Variants in MICAL3 observed in about 807,000 individuals in gnomAD.
MICAL3 encodes microtubule associated monooxygenase, calponin and LIM domain containing 3, also known as [F-actin]-monooxygenase MICAL3.
In MICAL3, 62 loss-of-function variants were observed where a neutral mutation model predicts 207.4. The ratio of observed to expected loss-of-function variants is 0.30; its 90% CI spans 0.24 to 0.37. The LOEUF (loss-of-function observed/expected upper bound fraction) is 0.37. MICAL3 is among the 10% of genes least tolerant of loss of function. The pLI, the probability that MICAL3 is intolerant of heterozygous loss-of-function variation, is 1.00. For synonymous variants in MICAL3, 1,077 were observed against 1,069.3 expected, an observed-to-expected ratio of 1.01 and a Z score of -0.14; for missense variants, 2,368 against 2,635.6, an observed-to-expected ratio of 0.90 and a Z score of 2.22.
intron 1 of MICAL3, among the ~76,000 whole-genome samples, chr22:18,014,228 C>T (rs923053224): frequency 1.3e-5 from 2 of 152,066 alleles, no homozygotes; most frequent in Non-Finnish European, 2.9e-5. Context: ...ATAATACAAT[C>T]GAATTCTCCC....
intron 29 of MICAL3, among the ~76,000 whole-genome samples, chr22:17,802,851 G>C (rs2061953912): frequency 1.3e-5 from 2 of 152,154 alleles, no homozygotes; most frequent in Admixed American, 1.3e-4. Context: ...CACACGGACA[G>C]GGAGGAGGAG....
chr22:17,861,922 G>A (rs1405051156), intron 19 of MICAL3: 3 of 985,256 alleles, frequency 3.0e-6, no homozygotes, highest in East Asian at 2.3e-4. Context: ...ATTGGGTGTG[G>A]GTGTGTTTTT....
In MICAL3 at chr22:17,831,646, A is replaced by G. The variant is rs374177524; in HGVS notation, c.3055+208T>C. On this transcript the variant is annotated intron_variant, in intron 21 of 31. Transcript: ENST00000441493. Reference sequence around the variant, plus strand: ...TCCAGTTTCTAAACCAATGTGCACAAGGGACATTACTTCCACTGCCAACCG... The same window carrying G: ...TCCAGTTTCTAAACCAATGTGCACAGGGGACATTACTTCCACTGCCAACCG... 7.9e-5 allele frequency among the ~76,000 whole-genome samples: 12 copies of G among 152,324 alleles called. No individual in the cohort carries two copies. In the East Asian group the frequency reaches 1.5e-3, roughly 20 times the overall value.
Position 17,846,753 on chromosome 22 carries a change from G to A in MICAL3, c.2606-4736C>T, listed in dbSNP as rs117228440. Among the ~76,000 whole-genome samples, 121 of 152,304 alleles carry A rather than the reference G, an allele frequency of 7.9e-4. 2 individuals are homozygous for A. In the East Asian group the frequency reaches 0.022, roughly 27 times the overall value. ...CAACAGGGACTTTCCAGCTTAAAGC[G>A]GGATGAAAGATCTGCAATAATTTCC... On this transcript the variant is annotated intron_variant, in intron 19 of 31. Transcript: ENST00000441493.
chr22:17,864,782 C>A lies in MICAL3; in HGVS notation c.2605+117G>T, dbSNP rs1926895432. 5 of 1,613,914 alleles carry A rather than the reference C, an allele frequency of 3.1e-6. No homozygotes were observed. The African/African-American group carries it at 5.3e-5, about 17-fold the overall frequency. On this transcript the variant is annotated intron_variant, in intron 19 of 31. Coordinates refer to ENST00000441493, the MANE Select transcript of MICAL3 (RefSeq NM_015241.3). ...AAAAAGGAGTCCAGAGGGTTTTGGGCCACTTGTTGCCCGAATGAAGAAATG... is the reference window on the plus strand; with the variant it reads ...AAAAAGGAGTCCAGAGGGTTTTGGGACACTTGTTGCCCGAATGAAGAAATG...
intron 19 of MICAL3, among the ~76,000 whole-genome samples, chr22:17,843,661 A>G (rs963888124): frequency 6.6e-6 from 1 of 152,154 alleles, no homozygotes; most frequent in Admixed American, 6.5e-5. Flanking sequence ...TCTTCCACTT[A>G]ACGCCTGCCA....
intron 1 of MICAL3, among the ~76,000 whole-genome samples, chr22:17,992,605 C>G (rs568701220): frequency 6.6e-6 from 1 of 152,070 alleles, no homozygotes; most frequent in South Asian, 2.1e-4. Flanking sequence ...AAGTAGGAAT[C>G]CCCCCTGCTC....
At chr22:17,881,202 C>T (rs747572141) in intron 16 of MICAL3, 31 of 1,611,220 alleles carry the variant, frequency 1.9e-5, no homozygotes, top group Non-Finnish European at 2.5e-5. Flanking sequence ...CAGAGAGGAT[C>T]ACCTGCTGGC....
At chr22:17,926,470 CTCTT>C (rs1308250937) in intron 1 of MICAL3, among the ~76,000 whole-genome samples, 1 of 152,220 alleles carries the variant, frequency 6.6e-6, no homozygotes, top group Non-Finnish European at 1.5e-5. Context: ...GTCCTTGGCC[CTCTT>C]TCTATTTTGT....
At chr22:17,861,472 G>T in intron 19 of MICAL3, 2 of 985,472 alleles carry the variant, frequency 2.0e-6, no homozygotes, top group Non-Finnish European at 2.4e-6. Flanking sequence ...TTCCTTTCCG[G>T]CTATGCCTTC....
chr22:17,961,492 C>G (rs542827962), intron 1 of MICAL3, among the ~76,000 whole-genome samples: 6 of 152,178 alleles, frequency 3.9e-5, no homozygotes, highest in Middle Eastern at 6.8e-3. Context: ...CTCCTTCCCC[C>G]CACCCTCTCA....
chr22:17,946,810 G>A (rs147683545), intron 1 of MICAL3, among the ~76,000 whole-genome samples: 13 of 152,308 alleles, frequency 8.5e-5, no homozygotes, highest in African/African-American at 3.1e-4. Context: ...AGGGAGTGGT[G>A]GGCAAGTTCC....
chr22:17,852,483 G>C (rs1925436537), intron 19 of MICAL3, among the ~76,000 whole-genome samples: 1 of 152,206 alleles, frequency 6.6e-6, no homozygotes, highest in African/African-American at 2.4e-5. Context: ...CAGACACTAA[G>C]AACAAAGGCT....
chr22:17,906,990 C>G (rs984140271), intron 1 of MICAL3, 104 bp from the exon 2 acceptor site: 14 of 620,070 alleles, frequency 2.3e-5, no homozygotes, highest in Non-Finnish European at 3.8e-5. Flanking sequence ...TCGCAGTCAT[C>G]CATCCATAAG....
rs565887950 is a variant in MICAL3 at position 17,917,254 on chromosome 22, G to A, written c.-74-10368C>T. 1.2e-4 allele frequency among the ~76,000 whole-genome samples: 18 copies of A among 152,182 alleles called. No individual in the cohort carries two copies. In the South Asian group the frequency reaches 2.5e-3, roughly 21 times the overall value. Reference sequence around the variant, plus strand: ...ACTTTTCTACCTGGATGTTTGACAGGCATCTCTAGCTTAAAGCACTGGAGG... The same window carrying A: ...ACTTTTCTACCTGGATGTTTGACAGACATCTCTAGCTTAAAGCACTGGAGG... On this transcript the variant is annotated intron_variant, in intron 1 of 31. Coordinates refer to ENST00000441493, the MANE Select transcript of MICAL3 (RefSeq NM_015241.3).
chr22:17,908,863 G>A (rs1403777558), intron 1 of MICAL3, among the ~76,000 whole-genome samples: 2 of 152,216 alleles, frequency 1.3e-5, no homozygotes, highest in Admixed American at 6.5e-5. Flanking sequence ...TGCAGGTGCT[G>A]CTGAAACCAA....
intron 8 of MICAL3, 98 bp downstream of exon 8, chr22:17,896,626 A>T: frequency 7.8e-7 from 1 of 1,288,734 alleles, no homozygotes; most frequent in Non-Finnish European, 1.1e-6. Context: ...CCTGTGCTGT[A>T]CAACACTGCA....
At chr22:17,828,257 C>T (rs2146035238) in intron 21 of MICAL3, among the ~76,000 whole-genome samples, 1 of 152,374 alleles carries the variant, frequency 6.6e-6, no homozygotes, top group Admixed American at 6.5e-5. Context: ...AAGGTGCCCA[C>T]CACCACTCGC....
At chr22:17,977,767 T>C (rs1935720635) in intron 1 of MICAL3, among the ~76,000 whole-genome samples, 1 of 152,148 alleles carries the variant, frequency 6.6e-6, no homozygotes, top group African/African-American at 2.4e-5. Flanking sequence ...CTCACACCTG[T>C]AATCCCAGCA....
Sources: gnomAD v4.1 joint callset for allele counts (sites outside exome capture counted in the v4.1 genomes callset) on GRCh38, gnomAD v4.1.1 for gene constraint, MANE v1.5 for transcripts, NCBI Gene and HGNC (gene_info 2026-07-23, HGNC 2026-07-21) for gene names.